The following NLRP3 variants were observed in gnomAD, a reference collection of about 807,000 sequenced individuals.
NLRP3 encodes the protein NLR family pyrin domain containing 3.
NLRP3 carries 48 observed loss-of-function variants against 91.3 expected under a neutral mutation model. The ratio of observed to expected loss-of-function variants is 0.53; its 90% CI spans 0.42 to 0.67. The LOEUF (loss-of-function observed/expected upper bound fraction) is 0.67, where lower values mean the gene tolerates loss of function less well. Among genes scored for constraint, NLRP3 ranks in the 30% least tolerant of loss-of-function variants. The probability of loss-of-function intolerance (pLI) is 0.00; values close to 1 mark genes in which losing one functional copy is unlikely to be tolerated. For synonymous variants in NLRP3, 561 were observed against 507.9 expected, an observed-to-expected ratio of 1.10 and a Z score of -1.41; for missense variants, 982 against 1,276.9, an observed-to-expected ratio of 0.77 and a Z score of 3.52.
chr1:247,426,451 G>A (rs1391661834), intron 4 of NLRP3, among the ~76,000 whole-genome samples: 1 of 152,192 alleles, frequency 6.6e-6, no homozygotes, highest in African/African-American at 2.4e-5. Context: ...GTAGGAAGGT[G>A]GCCACCCTGT....
At chr1:247,431,669 C>A (rs1263917721) in intron 5 of NLRP3, among the ~76,000 whole-genome samples, 2 of 152,224 alleles carry the variant, frequency 1.3e-5, no homozygotes, top group Non-Finnish European at 2.9e-5. Context: ...GCTCTTTGGT[C>A]TCCCTGTGTC....
chr1:247,429,515 G>C, intron 4 of NLRP3, 70 bp from the exon 5 acceptor site: 1 of 1,566,360 alleles, frequency 6.4e-7, no homozygotes, highest in Non-Finnish European at 8.8e-7. Flanking sequence ...CAGGCACCCC[G>C]GCCCCCAGCT....
In NLRP3 at chr1:247,436,729, A is replaced by T. The variant is rs889527361; in HGVS notation, c.2663+589A>T. 5.3e-5 allele frequency among the ~76,000 whole-genome samples: 8 copies of T among 152,258 alleles called. No homozygotes were observed. In the East Asian group the frequency reaches 1.5e-3, roughly 29 times the overall value. On this transcript the variant is annotated intron_variant, in intron 7 of 9. Transcript: ENST00000336119. The stretch of plus-strand genomic sequence containing the variant: ...TCCTGTTGCAGAGAACTATGGTTTC[A>T]CTGGTGGAATCTCTGATTTCCTTGT...
At chr1:247,416,649 G>A (rs1662090796) in intron 1 of NLRP3, among the ~76,000 whole-genome samples, 1 of 126,350 alleles carries the variant, frequency 7.9e-6, no homozygotes, top group Non-Finnish European at 1.6e-5. Context: ...GAGCTAATAG[G>A]GCTGTCTGGA....
chr1:247,431,500 G>T (rs1485747621), intron 5 of NLRP3, among the ~76,000 whole-genome samples: 1 of 152,160 alleles, frequency 6.6e-6, no homozygotes, highest in Non-Finnish European at 1.5e-5. Context: ...CCCAGGTCCA[G>T]CAACTGTCAC....
chr1:247,424,106 C>T lies in NLRP3; in HGVS notation c.657C>T (p.Thr219=), dbSNP rs7525979. ...ATGAGCATTCTGAGCCTGTGCACAC[C>T]GTGGTGTTCCAGGGGGCGGCAGGGA... ...PDDEHSEPVH[T]VVFQGAAGIG... is the part of the protein sequence containing the mutation. The change falls in exon 4 of 10, where the codon ACC becomes ACT. Residue 219 remains threonine (T), a synonymous_variant. Transcript: ENST00000336119. The surrounding 1 kb of genome is among the most constrained non-coding windows in gnomAD (Gnocchi z 8.1). 0.069 allele frequency: 111,237 copies of T among 1,613,902 alleles called. 5,177 individuals carry two copies. The highest frequency in any genetic ancestry group is 0.22 in the African/African-American group (16,359 of 74,912).
intron 2 of NLRP3, among the ~76,000 whole-genome samples, chr1:247,421,467 G>A (rs1239496306): frequency 1.3e-5 from 2 of 152,132 alleles, no homozygotes; most frequent in Non-Finnish European, 2.9e-5. Flanking sequence ...AGTAAATAAA[G>A]CAATTATCAT....
At chr1:247,440,687 G>C (rs1368801308) in intron 7 of NLRP3, among the ~76,000 whole-genome samples, 2 of 152,120 alleles carry the variant, frequency 1.3e-5, no homozygotes, top group African/African-American at 4.8e-5. Context: ...CAGAGTGCCT[G>C]ATCTCATCTG....
intron 5 of NLRP3, among the ~76,000 whole-genome samples, chr1:247,433,178 G>T (rs1009813401): frequency 2.6e-5 from 4 of 151,944 alleles, no homozygotes; most frequent in Admixed American, 1.3e-4. Context: ...GTGCACTCCA[G>T]CCTGTGCAAC....
chr1:247,448,425 A>G lies in NLRP3; in HGVS notation c.3026A>G (p.Asn1009Ser), dbSNP rs1664743845. Residue 1009 changes from asparagine (N) to serine (S), a missense_variant, in exon 10 of 10, where the codon AAT becomes AGT. By Grantham distance (46) the Asn-to-Ser change is conservative. Transcript: ENST00000336119. ...QNLGLSEMYFNYETKSALETL... is the reference protein window; with the variant it reads ...QNLGLSEMYFSYETKSALETL... ...TACAGGTTGTCTGAAATGTATTTCA[A>G]TTATGAGACAAAAAGTGCGTTAGAA... The G allele has an allele frequency of 1.2e-6, 2 of 1,610,694 alleles. No homozygotes were observed. The highest frequency in any genetic ancestry group is 4.5e-5 in the East Asian group (2 of 44,856).
intron 7 of NLRP3, among the ~76,000 whole-genome samples, chr1:247,441,386 G>T (rs1284584988): frequency 6.6e-6 from 1 of 151,912 alleles, no homozygotes; most frequent in African/African-American, 2.4e-5. Context: ...GACTACAGGT[G>T]TGTACTACCA....
At position 247,447,040 on chromosome 1, in the gene NLRP3, C is replaced by T. The variant is rs573685647; in HGVS notation, c.3006-1365C>T. Among the ~76,000 whole-genome samples the T allele has an allele frequency of 1.9e-3, 285 of 152,326 alleles. 1 individual carries two copies. Among genetic ancestry groups the T allele is most frequent in the African/African-American group, 6.6e-3 (274 of 41,568 alleles). ...CTAGCCCTGAGGGACATTCTGGACC[C>T]AGGCTGAGGGACAGGCTCAAAATAG... On this transcript the variant is annotated intron_variant, in intron 9 of 9. Coordinates refer to ENST00000336119, the MANE Select transcript of NLRP3 (RefSeq NM_001243133.2).
chr1:247,439,603 G>T (rs529237816), intron 7 of NLRP3, among the ~76,000 whole-genome samples: 2 of 152,208 alleles, frequency 1.3e-5, no homozygotes, highest in Admixed American at 6.5e-5. Flanking sequence ...TTCAGTAACC[G>T]TATCACCAAA....
intron 5 of NLRP3, among the ~76,000 whole-genome samples, chr1:247,432,688 C>G (rs914095486): frequency 6.6e-6 from 1 of 152,102 alleles, no homozygotes; most frequent in Non-Finnish European, 1.5e-5. Context: ...TGTCCATTTG[C>G]TTGAAGTTGG....
Position 247,418,786 on chromosome 1 carries a change from C to T in NLRP3, c.-15C>T, listed in dbSNP as rs548951401. On this transcript the variant is annotated 5_prime_UTR_variant, in exon 2 of 10. Coordinates refer to ENST00000336119, the MANE Select transcript of NLRP3 (RefSeq NM_001243133.2). Reference sequence around the variant, plus strand: ...GACCGAAGCCTAAGGACCCTGAAAACAGCTGCAGATGAAGATGGCAAGCAC... The same window carrying T: ...GACCGAAGCCTAAGGACCCTGAAAATAGCTGCAGATGAAGATGGCAAGCAC... The T allele has an allele frequency of 3.3e-5, 54 of 1,613,346 alleles. No homozygotes were observed. In the South Asian group the frequency reaches 5.6e-4, roughly 17 times the overall value.
At chr1:247,440,459 CT>C (rs1321567056) in intron 7 of NLRP3, among the ~76,000 whole-genome samples, 1 of 152,154 alleles carries the variant, frequency 6.6e-6, no homozygotes, top group Non-Finnish European at 1.5e-5. Flanking sequence ...AATATTGACC[CT>C]TTGTTCAAAA....
In NLRP3 at chr1:247,425,966, G is replaced by C. The variant is rs755036137; in HGVS notation, c.2150+367G>C. Among the ~76,000 whole-genome samples the C allele has an allele frequency of 2.4e-4, 36 of 152,194 alleles. No homozygotes were observed. The highest frequency in any genetic ancestry group is 4.8e-4 in the Non-Finnish European group (33 of 68,044). ...GTCTGTGGGGCAGAACAATGCCAGA[G>C]AGTCTGTGTCCCAGGAGCGAGGGGA... On this transcript the variant is annotated intron_variant, in intron 4 of 9. Coordinates refer to ENST00000336119, the MANE Select transcript of NLRP3 (RefSeq NM_001243133.2). The surrounding 1 kb of genome is among the most constrained non-coding windows in gnomAD (Gnocchi z 4.1).
In NLRP3 at chr1:247,425,349, G is replaced by A. The variant is rs763186819; in HGVS notation, c.1900G>A (p.Glu634Lys). 4 of 1,614,062 alleles carry A rather than the reference G, an allele frequency of 2.5e-6. No individual in the cohort carries two copies. The highest frequency in any genetic ancestry group is 1.6e-4 in the Middle Eastern group (1 of 6,082). The change falls in exon 4 of 10, where the codon GAG (glutamate) becomes AAG (lysine). Residue 634 changes from glutamate (E) to lysine (K), a missense_variant. Glu to Lys is a moderately conservative substitution (Grantham distance 56). Around this residue, in one of 5 missense-constraint regions of NLRP3, gnomAD observed 373 missense variants for 431.5 expected, o/e 0.86. Transcript: ENST00000336119. This position sits in a 1 kb window ranked among gnomAD's most constrained non-coding sequence, Gnocchi z 4.1. ...GCTGGAATTGTTCTACTGTTTGTACGAGATGCAGGAGGAGGACTTCGTGCA... is the reference window on the plus strand; with the variant it reads ...GCTGGAATTGTTCTACTGTTTGTACAAGATGCAGGAGGAGGACTTCGTGCA... The part of the protein sequence containing the change: ...SQLELFYCLY[E>K]MQEEDFVQRA...
chr1:247,438,663 C>T (rs114193355), intron 7 of NLRP3, among the ~76,000 whole-genome samples: 7,450 of 152,242 alleles, frequency 0.049, 280 homozygotes, highest in Admixed American at 0.11. Context: ...GGATTACAGG[C>T]GTGAGCCACA....
Sources: allele counts gnomAD v4.1 joint callset (sites outside exome capture counted in the v4.1 genomes callset), GRCh38; gene constraint gnomAD v4.1.1; regional missense constraint gnomAD v4.1.1; non-coding constraint Gnocchi (gnomAD v3.1); transcripts MANE v1.5; gene names NCBI Gene and HGNC (gene_info 2026-07-23, HGNC 2026-07-21).